Variants in EHF observed in about 807,000 individuals in gnomAD.
EHF encodes ETS homologous factor, also known as ESE3 transcription factor.
In EHF, 14 loss-of-function variants were observed where a neutral mutation model predicts 45.1. That is an observed-to-expected ratio of 0.31 (90% CI 0.21 to 0.49). The LOEUF is 0.49. Among genes scored for constraint, EHF ranks in the 20% least tolerant of loss-of-function variants. EHF has a pLI of 0.99. For missense variants in EHF, 282 were observed against 371.4 expected (o/e 0.76, Z 1.98); for synonymous variants, 136 against 131.8 (o/e 1.03, Z -0.22).
At chr11:34,652,614 G>A (rs1339722689) in intron 6 of EHF, among the ~76,000 whole-genome samples, 2 of 152,144 alleles carry the variant, frequency 1.3e-5, no homozygotes, top group Non-Finnish European at 2.9e-5. Context: ...TCTATGAAAT[G>A]GCACTTAGAC....
At chr11:34,632,246 A>G (rs1396337534) in intron 1 of EHF, among the ~76,000 whole-genome samples, 1 of 152,148 alleles carries the variant, frequency 6.6e-6, no homozygotes, top group Non-Finnish European at 1.5e-5. Flanking sequence ...TTGTTATCGG[A>G]GCAGAGCAAC....
intron 1 of EHF, among the ~76,000 whole-genome samples, chr11:34,636,761 G>A (rs1351654873): frequency 1.3e-5 from 2 of 152,112 alleles, no homozygotes; most frequent in African/African-American, 4.8e-5. Flanking sequence ...GGCCGGGCCC[G>A]GTGGCTCACG....
chr11:34,636,248 A>T (rs1042588256), intron 1 of EHF, among the ~76,000 whole-genome samples: 1 of 152,264 alleles, frequency 6.6e-6, no homozygotes, highest in South Asian at 2.1e-4. Flanking sequence ...TTTCGACAAC[A>T]CTTTTCATGT....
chr11:34,634,745 C>A (rs1044830732), intron 1 of EHF, among the ~76,000 whole-genome samples: 1 of 152,136 alleles, frequency 6.6e-6, no homozygotes, highest in African/African-American at 2.4e-5. Flanking sequence ...TGTATTTATG[C>A]ATGCATATGA....
rs1856186616 is a variant in EHF, at chr11:34,663,132, T to A, written c.*4201T>A. Among the ~76,000 whole-genome samples, 1 of 152,144 alleles carries A rather than the reference T, an allele frequency of 6.6e-6. No individual in the cohort carries two copies. The highest frequency in any genetic ancestry group is 6.6e-5 in the Admixed American group (1 of 15,258). ...GTGGAAACAACTCTATTGCTACTAT[T>A]TAAAAAAAATCAGAAATCTTTCCCT... On this transcript the variant is annotated 3_prime_UTR_variant, in exon 9 of 9. Coordinates refer to ENST00000257831, the MANE Select transcript of EHF (RefSeq NM_012153.6).
chr11:34,639,376 C>T (rs1007039869), intron 1 of EHF, among the ~76,000 whole-genome samples: 2 of 152,230 alleles, frequency 1.3e-5, no homozygotes, highest in Admixed American at 1.3e-4. Context: ...TACAGAAAGT[C>T]TACATTAGCA....
intron 4 of EHF, 91 bp downstream of exon 4, chr11:34,649,172 G>A (rs1854889079): frequency 1.5e-6 from 2 of 1,357,576 alleles, no homozygotes; most frequent in Non-Finnish European, 1.0e-6. Context: ...GTGGGGGCAA[G>A]TTTTTGCAGG....
chr11:34,645,561 AGAACAT>A lies in EHF; in HGVS notation c.98-875_98-870del, dbSNP rs1302423116. On this transcript the variant is annotated intron_variant, in intron 2 of 8. Coordinates refer to ENST00000257831, the MANE Select transcript of EHF (RefSeq NM_012153.6). ...CACTTAGAGACCTGTACAGAAAAGCAGAACATGACAAAGCCATTAGAAATACCAAGC... is the reference window on the plus strand; with the variant it reads ...CACTTAGAGACCTGTACAGAAAAGCAGACAAAGCCATTAGAAATACCAAGC... 3.3e-5 allele frequency among the ~76,000 whole-genome samples: 5 copies of A among 152,360 alleles called. No homozygotes were observed. The East Asian group carries it at 5.8e-4, about 18-fold the overall frequency.
rs540650071 is a variant in EHF, at chr11:34,634,448, T to C, written c.-3-8180T>C. On this transcript the variant is annotated intron_variant, in intron 1 of 8. Transcript: ENST00000257831. ...CTGTGGCAGTTTGGGGATAATGTGG[T>C]TGGATGAATAAGGGAGCTAGGAAGA... 2.6e-5 allele frequency among the ~76,000 whole-genome samples: 4 copies of C among 152,214 alleles called. No homozygotes were observed. In the East Asian group the frequency reaches 7.7e-4, roughly 29 times the overall value.
At chr11:34,630,560 G>A (rs1461605255) in intron 1 of EHF, among the ~76,000 whole-genome samples, 1 of 151,866 alleles carries the variant, frequency 6.6e-6, no homozygotes, top group Non-Finnish European at 1.5e-5. Context: ...CTTTTCCTAG[G>A]AGGAAACTTG....
intron 3 of EHF, among the ~76,000 whole-genome samples, chr11:34,648,471 A>G (rs1447737043): frequency 6.6e-6 from 1 of 152,190 alleles, no homozygotes; most frequent in Non-Finnish European, 1.5e-5. Flanking sequence ...ATAAATAAGG[A>G]AAGAGTCACC....
chr11:34,647,083 A>ACCCCCCCCCCCCC (rs1335937029), intron 3 of EHF, among the ~76,000 whole-genome samples: 1 of 138,832 alleles, frequency 7.2e-6, no homozygotes, highest in African/African-American at 2.8e-5. Flanking sequence ...AACAAAACAA[A>ACCCCCCCCCCCCC]ACCCCCCCCA....
chr11:34,651,951 T>G, intron 6 of EHF, 146 bp downstream of exon 6: 1 of 776,730 alleles, frequency 1.3e-6, no homozygotes, highest in Non-Finnish European at 2.0e-6. Flanking sequence ...AGACGAGGTT[T>G]GCTTTTGAGG....
chr11:34,656,421 A>G (rs772960998), intron 6 of EHF, among the ~76,000 whole-genome samples: 44 of 152,198 alleles, frequency 2.9e-4, no homozygotes, highest in Non-Finnish European at 3.8e-4. Context: ...AAATTTTTCA[A>G]TGATCTAAAT....
At chr11:34,627,901 T>C (rs1163876509) in intron 1 of EHF, among the ~76,000 whole-genome samples, 1 of 152,220 alleles carries the variant, frequency 6.6e-6, no homozygotes, top group Admixed American at 6.5e-5. Flanking sequence ...CTATTACATA[T>C]ATCACAAAAA....
chr11:34,628,344 A>C (rs578194675), intron 1 of EHF, among the ~76,000 whole-genome samples: 43 of 152,294 alleles, frequency 2.8e-4, no homozygotes, highest in African/African-American at 7.2e-4. Context: ...TTTTAATATA[A>C]ATTTTTTTAA....
At chr11:34,645,151 C>T (rs1214891007) in intron 2 of EHF, among the ~76,000 whole-genome samples, 2 of 152,150 alleles carry the variant, frequency 1.3e-5, no homozygotes, top group African/African-American at 2.4e-5. Context: ...TCTCTCAGCC[C>T]TGTTACATGC....
intron 1 of EHF, among the ~76,000 whole-genome samples, chr11:34,641,219 T>C (rs538168664): frequency 6.6e-5 from 10 of 152,288 alleles, no homozygotes; most frequent in African/African-American, 2.4e-4. Context: ...TCCTAATTAT[T>C]TACCAAGCAA....
chr11:34,652,468 G>C (rs1240350214), intron 6 of EHF, among the ~76,000 whole-genome samples: 1 of 152,178 alleles, frequency 6.6e-6, no homozygotes, highest in South Asian at 2.1e-4. Flanking sequence ...GGGATGTTGG[G>C]AGTCTGGGAG....
Sources: gnomAD v4.1 joint callset for allele counts (sites outside exome capture counted in the v4.1 genomes callset) on GRCh38, gnomAD v4.1.1 for gene constraint, MANE v1.5 for transcripts, NCBI Gene and HGNC (gene_info 2026-07-23, HGNC 2026-07-21) for gene names.